The following CDC34 variants were observed in gnomAD, a reference collection of about 807,000 sequenced individuals.
The protein encoded by CDC34 is cell division cycle 34, ubiquitin conjugating enzyme.
Under a neutral mutation model 26.8 loss-of-function variants are expected in CDC34, and 18 were observed. That is an observed-to-expected ratio of 0.67 (90% CI 0.47 to 1.00). The LOEUF is 1.00. Among genes scored for constraint, CDC34 ranks in the 50% least tolerant of loss-of-function variants. The probability of loss-of-function intolerance (pLI) is 0.00; values close to 1 mark genes in which losing one functional copy is unlikely to be tolerated. For missense variants in CDC34, 280 were observed against 334.5 expected (o/e 0.84, Z 1.27); for synonymous variants, 178 against 147.5 (o/e 1.21, Z -1.50).
intron 3 of CDC34, 80 bp downstream of exon 3, chr19:536,420 G>A: frequency 8.7e-7 from 1 of 1,149,558 alleles, no homozygotes; most frequent in Non-Finnish European, 1.2e-6. Flanking sequence ...AGACCATCAG[G>A]TAGGCCGGGC....
At position 541,715 on chromosome 19, in the gene CDC34, C is replaced by A; in HGVS notation, c.*163C>A. Reference sequence around the variant, plus strand: ...CATGTCTGTTCTGGGTTTTCACGTGCTTCAGAGAAGAGGGGCTGCCCCACC... The same window carrying A: ...CATGTCTGTTCTGGGTTTTCACGTGATTCAGAGAAGAGGGGCTGCCCCACC... On this transcript the variant is annotated 3_prime_UTR_variant, in exon 5 of 5. Transcript: ENST00000215574. 1.3e-6 allele frequency: 1 copy of A among 750,246 alleles called. No homozygotes were observed. Among genetic ancestry groups the A allele is most frequent in the Non-Finnish European group, 2.0e-6 (1 of 506,888 alleles). 46.5% of individuals were successfully genotyped at this position (750,246 alleles called of 1,614,324 possible).
intron 4 of CDC34, chr19:541,103 A>T (rs1235457351): frequency 2.0e-6 from 1 of 508,244 alleles, no homozygotes; most frequent in Admixed American, 3.7e-5. Flanking sequence ...GGCGGGTGTG[A>T]CTGCACTGCG....
rs1193000870 is a variant in CDC34 at position 532,154 on chromosome 19, C to T, written c.177+46C>T. 5 of 1,433,946 alleles carry T rather than the reference C, an allele frequency of 3.5e-6. No homozygotes were observed. The African/African-American group carries it at 7.6e-5, about 22-fold the overall frequency. 88.8% of individuals were successfully genotyped at this position (1,433,946 alleles called of 1,614,324 possible). ...CCGGGTCCCGGAGCCCACGAGCGAC[C>T]TCGGGCGCCGGGAACCAGCTCCCTG... On this transcript the variant is annotated intron_variant, in intron 1 of 4. Coordinates refer to ENST00000215574, the MANE Select transcript of CDC34 (RefSeq NM_004359.2).
In CDC34 at chr19:535,863, C is replaced by T. The variant is rs760505272; in HGVS notation, c.204C>T (p.Tyr68=). 6 of 1,613,924 alleles carry T rather than the reference C, an allele frequency of 3.7e-6. No individual in the cohort carries two copies. In the Admixed American group the frequency reaches 5.0e-5, roughly 13 times the overall value. The change falls in exon 2 of 5, where the codon TAC becomes TAT. Residue 68 remains tyrosine (Y), a synonymous_variant. Transcript: ENST00000215574. ...CGCGCCTCAAGTTCCCCATCGACTA[C>T]CCATACTCTCCACCAGCCTTTCGGT... ...FKARLKFPID[Y]PYSPPAFRFL... is the part of the protein sequence containing the mutation.
chr19:539,434 A>AC (rs16990893), intron 4 of CDC34, among the ~76,000 whole-genome samples: 2,906 of 149,010 alleles, frequency 0.02, 84 homozygotes, highest in African/African-American at 0.063. Context: ...ACTGTCAGTC[A>AC]CCCCCCCAGC....
chr19:536,881 G>C (rs2145849215), intron 3 of CDC34, 132 bp from the exon 4 acceptor site: 3 of 961,916 alleles, frequency 3.1e-6, no homozygotes, highest in Middle Eastern at 6.4e-4. Flanking sequence ...TGAGACAGAA[G>C]CAGAGGCCAT....
At position 541,374 on chromosome 19, in the gene CDC34, G is replaced by A. The variant is rs756462163; in HGVS notation, c.533G>A (p.Arg178His). The change falls in exon 5 of 5, where the codon CGT becomes CAT. Residue 178 changes from arginine to histidine, a missense_variant. Transcript: ENST00000215574. ...QVLGTKVDAE[R>H]DGVKVPTTLA... is the part of the protein sequence containing the mutation. ...CTGGGGACCAAGGTGGACGCGGAGC[G>A]TGACGGCGTGAAGGTGCCCACCACG... is the stretch of plus-strand genomic sequence containing the variant. 4.4e-6 allele frequency: 7 copies of A among 1,605,610 alleles called. 1 individual carries two copies. Among genetic ancestry groups the A allele is most frequent in the East Asian group, 4.5e-5 (2 of 44,626 alleles).
rs745482817 is a variant in CDC34 at position 531,889 on chromosome 19, G to A, written c.-43G>A. On this transcript the variant is annotated 5_prime_UTR_variant, in exon 1 of 5. Coordinates refer to ENST00000215574, the MANE Select transcript of CDC34 (RefSeq NM_004359.2). Reference sequence around the variant, plus strand: ...CGTCTCGCGAACTCGCGGTGGTCGCGCGGCCCCGCGCTGCTCCGACCCCGG... The same window carrying A: ...CGTCTCGCGAACTCGCGGTGGTCGCACGGCCCCGCGCTGCTCCGACCCCGG... 250 of 1,236,320 alleles carry A rather than the reference G, an allele frequency of 2.0e-4. No homozygotes were observed. The highest frequency in any genetic ancestry group is 2.3e-4 in the Non-Finnish European group (230 of 985,008). 76.6% of individuals were successfully genotyped at this position (1,236,320 alleles called of 1,614,324 possible).
chr19:535,911 T>C lies in CDC34; in HGVS notation c.252T>C (p.Pro84=), dbSNP rs752149119. The part of the protein sequence containing the change: ...AFRFLTKMWH[P]NIYETGDVCI... ...GGTTCCTGACCAAGATGTGGCACCC[T>C]AACATCTACGAGGTGAGCGCGGCCC... Residue 84 remains proline (P), a synonymous_variant, in exon 2 of 5, where the codon CCT becomes CCC. Transcript: ENST00000215574. 3 of 1,613,368 alleles carry C rather than the reference T, an allele frequency of 1.9e-6. No individual in the cohort carries two copies. The South Asian group carries it at 3.3e-5, about 18-fold the overall frequency.
intron 2 of CDC34, 50 bp downstream of exon 2, chr19:535,973 G>T: frequency 6.5e-7 from 1 of 1,541,202 alleles, no homozygotes; most frequent in Non-Finnish European, 9.0e-7. Context: ...GGGACCCAGG[G>T]TGCTGGGAGC....
At position 541,468 on chromosome 19, in the gene CDC34, C is replaced by A. The variant is rs1299123897; in HGVS notation, c.627C>A (p.Asp209Glu). 4 of 1,612,552 alleles carry A rather than the reference C, an allele frequency of 2.5e-6. No homozygotes were observed. Among genetic ancestry groups the A allele is most frequent in the Non-Finnish European group, 2.5e-6 (3 of 1,179,722 alleles). ...PDEGSDLFYD[D>E]YYEDGEVEEE... ...AGGGCTCAGACCTCTTCTACGACGA[C>A]TACTACGAGGACGGCGAGGTGGAGG... is the stretch of plus-strand genomic sequence containing the variant. Residue 209 changes from aspartate (D) to glutamate (E), a missense_variant, in exon 5 of 5, where the codon GAC becomes GAA. Physicochemically the swap from Asp to Glu is conservative, Grantham distance 45. Coordinates refer to ENST00000215574, the MANE Select transcript of CDC34 (RefSeq NM_004359.2).
At chr19:535,338 G>A (rs1368727623) in intron 1 of CDC34, among the ~76,000 whole-genome samples, 1 of 152,266 alleles carries the variant, frequency 6.6e-6, no homozygotes, top group African/African-American at 2.4e-5. Flanking sequence ...GGCCAGGGCA[G>A]GTGTCACAAG....
At position 531,880 on chromosome 19, in the gene CDC34, G is replaced by A. The variant is rs1600417288; in HGVS notation, c.-52G>A. 1.7e-6 allele frequency: 2 copies of A among 1,207,818 alleles called. No individual in the cohort carries two copies. The highest frequency in any genetic ancestry group is 1.6e-5 in the African/African-American group (1 of 62,492). 74.8% of individuals were successfully genotyped at this position (1,207,818 alleles called of 1,614,324 possible). ...GGCCCGGCCCGTCTCGCGAACTCGC[G>A]GTGGTCGCGCGGCCCCGCGCTGCTC... On this transcript the variant is annotated 5_prime_UTR_variant, in exon 1 of 5. Transcript: ENST00000215574.
intron 1 of CDC34, among the ~76,000 whole-genome samples, chr19:532,475 C>T (rs1056863602): frequency 3.3e-5 from 5 of 152,310 alleles, no homozygotes; most frequent in African/African-American, 9.6e-5. Context: ...CCGGCTGCCT[C>T]CCCCTCCGCC....
At chr19:536,893 A>T in intron 3 of CDC34, 120 bp from the exon 4 acceptor site, 1 of 1,075,360 alleles carries the variant, frequency 9.3e-7, no homozygotes, top group Non-Finnish European at 1.4e-6. Context: ...AGAGGCCATG[A>T]GGCCAGGTGA....
intron 1 of CDC34, among the ~76,000 whole-genome samples, chr19:533,979 G>C (rs1979611533): frequency 6.6e-6 from 1 of 152,230 alleles, no homozygotes; most frequent in East Asian, 1.9e-4. Context: ...GGGGCCGCCA[G>C]AGAGAGCCCT....
At chr19:536,398 C>T in intron 3 of CDC34, 58 bp downstream of exon 3, 3 of 1,298,432 alleles carry the variant, frequency 2.3e-6, no homozygotes, top group East Asian at 2.5e-5. Flanking sequence ...GGGCTCCGTC[C>T]CGTATCCACC....
chr19:531,878 G>C lies in CDC34; in HGVS notation c.-54G>C, dbSNP rs1288714282. 5.1e-6 allele frequency: 6 copies of C among 1,185,498 alleles called. No individual in the cohort carries two copies. The East Asian group carries it at 2.1e-4, about 42-fold the overall frequency. The allele number at this position is 1,185,498 out of a possible 1,614,324, so 73.4% of individuals were successfully genotyped here. A position where few individuals can be genotyped will look rare whatever the true frequency, so the allele number is the denominator to read the frequency against. On this transcript the variant is annotated 5_prime_UTR_variant, in exon 1 of 5. Transcript: ENST00000215574. The stretch of plus-strand genomic sequence containing the variant: ...GCGGCCCGGCCCGTCTCGCGAACTC[G>C]CGGTGGTCGCGCGGCCCCGCGCTGC...
chr19:535,885 C>T lies in CDC34; in HGVS notation c.226C>T (p.Arg76Trp), dbSNP rs1568330110. Residue 76 changes from arginine (R) to tryptophan (W), a missense_variant, in exon 2 of 5, where the codon CGG (arginine) becomes TGG (tryptophan). Transcript: ENST00000215574. ...CTACCCATACTCTCCACCAGCCTTT[C>T]GGTTCCTGACCAAGATGTGGCACCC... The part of the protein sequence containing the change: ...IDYPYSPPAF[R>W]FLTKMWHPNI... The T allele has an allele frequency of 3.7e-6, 6 of 1,613,972 alleles. No homozygotes were observed. The highest frequency in any genetic ancestry group is 2.2e-5 in the East Asian group (1 of 44,878).
Sources: gnomAD v4.1 joint callset for allele counts (sites outside exome capture counted in the v4.1 genomes callset) on GRCh38, gnomAD v4.1.1 for gene constraint, MANE v1.5 for transcripts, NCBI Gene and HGNC (gene_info 2026-07-23, HGNC 2026-07-21) for gene names.